The following ANKRD22 variants were observed in gnomAD, a reference collection of about 807,000 sequenced individuals.
ANKRD22 encodes the protein ankyrin repeat domain 22, also known as ankyrin repeat domain-containing protein 22.
A neutral mutation model predicts 25.7 loss-of-function variants in ANKRD22; 24 were observed. That is an observed-to-expected ratio of 0.93 (90% CI 0.68 to 1.31). ANKRD22 has a LOEUF of 1.31. Ranked by LOEUF, ANKRD22 falls within the 50% of genes most tolerant of loss-of-function variation. ANKRD22 has a pLI of 0.00. For missense variants in ANKRD22, 214 were observed against 227.1 expected (o/e 0.94, Z 0.37); for synonymous variants, 84 against 84.3 (o/e 1.00, Z 0.02).
chr10:88,832,066 C>A, intron 1 of ANKRD22, 40 bp from the exon 2 acceptor site: 3 of 1,538,532 alleles, frequency 1.9e-6, no homozygotes, highest in Non-Finnish European at 1.7e-6. Flanking sequence ...GAAATACTGG[C>A]ATAATTAAAC....
intron 1 of ANKRD22, among the ~76,000 whole-genome samples, 177 bp downstream of exon 1, chr10:88,851,410 A>G (rs1417120928): frequency 1.3e-5 from 2 of 152,170 alleles, no homozygotes; most frequent in Non-Finnish European, 2.9e-5. Context: ...TTTGTCTTAA[A>G]CTATTAAGAA....
At chr10:88,837,408 G>A (rs1843964101) in intron 1 of ANKRD22, among the ~76,000 whole-genome samples, 1 of 152,178 alleles carries the variant, frequency 6.6e-6, no homozygotes. Context: ...GTGGTTATGA[G>A]AGGGTAGATA....
rs1843773580 is a variant in ANKRD22 at position 88,820,362 on chromosome 10, A to G, written c.*2579T>C. ...TCTGAGGTGACCAACCTCATCTACC[A>G]TAAGAATATTCCTGAATGGGCTCAC... On this transcript the variant is annotated 3_prime_UTR_variant, in exon 6 of 6. Transcript: ENST00000371930. The G allele has an allele frequency of 1.3e-6, 2 of 1,552,340 alleles. No homozygotes were observed. The highest frequency in any genetic ancestry group is 1.7e-6 in the Non-Finnish European group (2 of 1,147,136).
At chr10:88,850,190 T>A (rs1165544445) in intron 1 of ANKRD22, among the ~76,000 whole-genome samples, 1 of 151,726 alleles carries the variant, frequency 6.6e-6, no homozygotes, top group Non-Finnish European at 1.5e-5. Flanking sequence ...TTTTAAAGAG[T>A]CTCAAACTCT....
intron 2 of ANKRD22, among the ~76,000 whole-genome samples, chr10:88,830,896 C>G (rs1270007338): frequency 6.6e-6 from 1 of 152,328 alleles, no homozygotes; most frequent in African/African-American, 2.4e-5. Context: ...CTATTATAGT[C>G]CACGATGTTG....
In ANKRD22 at chr10:88,831,931, A is replaced by G. The variant is rs1460190505; in HGVS notation, c.117T>C (p.Asn39=). 5 of 1,614,000 alleles carry G rather than the reference A, an allele frequency of 3.1e-6. No individual in the cohort carries two copies. Among genetic ancestry groups the G allele is most frequent in the East Asian group, 2.2e-5 (1 of 44,874 alleles). ...SSYANVQDGF[N]GDTPLICACR... ...AAGCACAGATCAGGGGCGTGTCTCC[A>G]TTAAAGCCATCTTGAACGTTGGCAT... Residue 39 remains asparagine (N), a synonymous_variant, in exon 2 of 6, where the codon AAT becomes AAC. Coordinates refer to ENST00000371930, the MANE Select transcript of ANKRD22 (RefSeq NM_144590.3).
At chr10:88,850,333 T>G (rs1489167263) in intron 1 of ANKRD22, among the ~76,000 whole-genome samples, 1 of 151,894 alleles carries the variant, frequency 6.6e-6, no homozygotes. Context: ...GCAACCAAAA[T>G]GCAGAATCTT....
intron 1 of ANKRD22, among the ~76,000 whole-genome samples, chr10:88,839,897 T>C (rs1210957578): frequency 6.6e-6 from 1 of 152,182 alleles, no homozygotes; most frequent in Non-Finnish European, 1.5e-5. Flanking sequence ...GGCCCCACTA[T>C]TGACCAGTTA....
Position 88,820,934 on chromosome 10 carries a change from G to A in ANKRD22, c.*2007C>T, listed in dbSNP as rs1177301945. On this transcript the variant is annotated 3_prime_UTR_variant, in exon 6 of 6. Transcript: ENST00000371930. Reference sequence around the variant, plus strand: ...GACATTTTCACCTTGTTGCCACAGAGACATAACACTACCTCAGGAAGCTGA... The same window carrying A: ...GACATTTTCACCTTGTTGCCACAGAAACATAACACTACCTCAGGAAGCTGA... 1.3e-5 allele frequency among the ~76,000 whole-genome samples: 2 copies of A among 152,110 alleles called. No individual in the cohort carries two copies. Among genetic ancestry groups the A allele is most frequent in the Admixed American group, 6.5e-5 (1 of 15,270 alleles).
In ANKRD22 at chr10:88,851,839, A is replaced by C; in HGVS notation, c.-232T>G. 1.8e-6 allele frequency: 1 copy of C among 549,648 alleles called. No individual in the cohort carries two copies. Among genetic ancestry groups the C allele is most frequent in the South Asian group, 2.2e-5 (1 of 45,128 alleles). 34.0% of individuals were successfully genotyped at this position (549,648 alleles called of 1,614,324 possible). A position where few individuals can be genotyped will look rare whatever the true frequency, so the allele number is the denominator to read the frequency against. On this transcript the variant is annotated 5_prime_UTR_variant, in exon 1 of 6. An upstream start codon of the reference 5' UTR is lost. Coordinates refer to ENST00000371930, the MANE Select transcript of ANKRD22 (RefSeq NM_144590.3). ...CCAATGAAACAAAGGCACTGGTGTC[A>C]TGTGTAACGACCCAAGCCTGTATCA... is the stretch of plus-strand genomic sequence containing the variant.
At chr10:88,832,349 C>T (rs372257424) in intron 1 of ANKRD22, among the ~76,000 whole-genome samples, 2 of 151,812 alleles carry the variant, frequency 1.3e-5, no homozygotes, top group Admixed American at 6.6e-5. Flanking sequence ...GTGGGCCTGT[C>T]GGAAAAGCAT....
In ANKRD22 at chr10:88,828,989, G is replaced by A. The variant is rs113680920; in HGVS notation, c.214-323C>T. On this transcript the variant is annotated intron_variant, in intron 2 of 5. Transcript: ENST00000371930. ...TACACTGAGATATAAACTTAGGACT[G>A]AATTTACTATGAAAATTGATAGTTA... Among the ~76,000 whole-genome samples, 326 of 152,296 alleles carry A rather than the reference G, an allele frequency of 2.1e-3. 1 individual carries two copies. Among genetic ancestry groups the A allele is most frequent in the African/African-American group, 6.9e-3 (285 of 41,552 alleles).
chr10:88,824,322 C>T (rs895511764), intron 4 of ANKRD22, among the ~76,000 whole-genome samples: 1 of 152,206 alleles, frequency 6.6e-6, no homozygotes, highest in Non-Finnish European at 1.5e-5. Context: ...AACCATGGTG[C>T]TGGTGAGTGA....
intron 1 of ANKRD22, among the ~76,000 whole-genome samples, chr10:88,847,723 A>G (rs116159522): frequency 0.015 from 2,238 of 152,038 alleles, 66 homozygotes; most frequent in African/African-American, 0.051. Context: ...TCAACAGTAT[A>G]TTTACATCAC....
intron 3 of ANKRD22, 37 bp downstream of exon 3, chr10:88,828,509 ACACCATCGATCTC>A: frequency 1.5e-6 from 2 of 1,350,610 alleles, no homozygotes; most frequent in Non-Finnish European, 2.1e-6. Context: ...TCAATGAGTC[ACACCATCGATCTC>A]CACATTTGCC....
intron 3 of ANKRD22, 96 bp from the exon 4 acceptor site, chr10:88,826,211 C>A: frequency 9.8e-7 from 1 of 1,023,714 alleles, no homozygotes; most frequent in East Asian, 2.5e-5. Flanking sequence ...ATTTTAATCC[C>A]AACACTCCTA....
chr10:88,823,480 A>G lies in ANKRD22; in HGVS notation c.400-102T>C, dbSNP rs960421485. 6 of 847,522 alleles carry G rather than the reference A, an allele frequency of 7.1e-6. No homozygotes were observed. The Admixed American group carries it at 1.3e-4, about 18-fold the overall frequency. The allele number at this position is 847,522 out of a possible 1,614,324, so 52.5% of individuals were successfully genotyped here. On this transcript the variant is annotated intron_variant, in intron 4 of 5. Transcript: ENST00000371930. The stretch of plus-strand genomic sequence containing the variant: ...ATCCTTTTCACACTTTGTAGTATAC[A>G]ACTAAGCAGAAAAATAGTCTGCAAA...
intron 1 of ANKRD22, among the ~76,000 whole-genome samples, chr10:88,841,026 C>A (rs1359011443): frequency 6.6e-6 from 1 of 152,090 alleles, no homozygotes; most frequent in Non-Finnish European, 1.5e-5. Context: ...GAAATAGAAG[C>A]AGGGCACATA....
At chr10:88,825,406 G>A (rs545003183) in intron 4 of ANKRD22, among the ~76,000 whole-genome samples, 12 of 152,356 alleles carry the variant, frequency 7.9e-5, no homozygotes, top group African/African-American at 2.2e-4. Context: ...AGAAGTGAGC[G>A]GATGCTGCTA....
Sources: gnomAD v4.1 joint callset for allele counts (sites outside exome capture counted in the v4.1 genomes callset) on GRCh38, gnomAD v4.1.1 for gene constraint, MANE v1.5 for transcripts, NCBI Gene and HGNC (gene_info 2026-07-23, HGNC 2026-07-21) for gene names.